Variants in ESYT1 observed in about 807,000 individuals in gnomAD.
ESYT1 encodes the protein extended synaptotagmin 1, also known as extended synaptotagmin-1.
A neutral mutation model predicts 154.2 loss-of-function variants in ESYT1; 116 were observed. The observed-to-expected ratio is 0.75, with a 90% CI of 0.65 to 0.88. The LOEUF (loss-of-function observed/expected upper bound fraction) is 0.88, where lower values mean the gene tolerates loss of function less well. Ranked by LOEUF, ESYT1 falls within the 40% of genes least tolerant of loss-of-function variation. ESYT1 has a pLI of 0.00. For missense variants in ESYT1, 1,264 were observed against 1,379.3 expected (o/e 0.92, Z 1.32); for synonymous variants, 500 against 539.9 (o/e 0.93, Z 1.02).
In ESYT1 at chr12:56,144,105, G is replaced by A. The variant is rs1311188651; in HGVS notation, c.*243G>A. The A allele has an allele frequency of 7.1e-7, 1 of 1,414,970 alleles. No homozygotes were observed. The highest frequency in any genetic ancestry group is 9.2e-7 in the Non-Finnish European group (1 of 1,087,414). The allele number at this position is 1,414,970 out of a possible 1,614,324, so 87.7% of individuals were successfully genotyped here. On this transcript the variant is annotated 3_prime_UTR_variant, in exon 31 of 31. Transcript: ENST00000394048. The stretch of plus-strand genomic sequence containing the variant: ...CGGGGACCTGAGCTGGCTGTTTCCT[G>A]CTTTGCCTGCACATTGTTCTCCCTT...
At position 56,132,583 on chromosome 12, in the gene ESYT1, G is replaced by T. The variant is rs945496473; in HGVS notation, c.1147G>T (p.Gly383Ter). ...VIDEELNPQW[G>*]ETYEVMVHEV... ...TGATGAAGAACTCAACCCACAGTGGGGAGAGACTTATGAGGTGGGAGAGTT... is the reference window on the plus strand; with the variant it reads ...TGATGAAGAACTCAACCCACAGTGGTGAGAGACTTATGAGGTGGGAGAGTT... Residue 383 changes from glycine (G) to a stop codon, truncating the protein, a stop_gained, in exon 9 of 31, where the codon GGA (glycine) becomes TGA (stop). Transcript: ENST00000394048. LOFTEE classifies it high-confidence loss of function. 6.2e-7 allele frequency: 1 copy of T among 1,614,188 alleles called. No homozygotes were observed. The highest frequency in any genetic ancestry group is 8.5e-7 in the Non-Finnish European group (1 of 1,180,036).
At chr12:56,137,110 C>A in intron 16 of ESYT1, 108 bp from the exon 17 acceptor site, 2 of 1,429,958 alleles carry the variant, frequency 1.4e-6, no homozygotes, top group Non-Finnish European at 1.9e-6. Context: ...CCAGCCAGGG[C>A]AGCACCTAGT....
In ESYT1 at chr12:56,136,797, C is replaced by A. The variant is rs1436628424; in HGVS notation, c.1686C>A (p.Ala562=). Residue 562 remains alanine, a synonymous_variant, in exon 16 of 31, where the codon GCC becomes GCA. Transcript: ENST00000394048. ...LTLGALTLPL[A]RLLTAPELIL... is the part of the protein sequence containing the mutation. ...TAGGAGCACTGACGCTGCCTCTGGC[C>A]CGCCTGCTGACTGCCCCAGAACTCA... is the stretch of plus-strand genomic sequence containing the variant. The A allele has an allele frequency of 1.9e-6, 3 of 1,608,118 alleles. No homozygotes were observed. In the African/African-American group the frequency reaches 4.0e-5, roughly 22 times the overall value.
chr12:56,138,166 C>T lies in ESYT1; in HGVS notation c.2248-17C>T. 1 of 1,614,112 alleles carries T rather than the reference C, an allele frequency of 6.2e-7. No homozygotes were observed. The highest frequency in any genetic ancestry group is 8.5e-7 in the Non-Finnish European group (1 of 1,179,948). ...TGTCTGCATATCCCCAAGTCTTCAC[C>T]CTGCCTACTTCCACAGTGGCTGACC... On this transcript the variant is annotated splice_polypyrimidine_tract_variant and intron_variant, in intron 20 of 30. Coordinates refer to ENST00000394048, the MANE Select transcript of ESYT1 (RefSeq NM_015292.3).
chr12:56,143,375 C>G, intron 29 of ESYT1, 42 bp downstream of exon 29: 4 of 1,593,614 alleles, frequency 2.5e-6, no homozygotes, highest in Non-Finnish European at 3.4e-6. Flanking sequence ...GGGCTGGAAG[C>G]TGCTGGCACC....
Position 56,138,994 on chromosome 12 carries a change from C to A in ESYT1, c.2573C>A (p.Thr858Asn), listed in dbSNP as rs750542013. The change falls in exon 24 of 31, where the codon ACT becomes AAT. Residue 858 changes from threonine to asparagine, a missense_variant. Physicochemically the swap from Thr to Asn is moderately conservative, Grantham distance 65. Transcript: ENST00000394048. ...TCCTTTCTCATCAGGAAACCACACA[C>A]TGAGAGCCTAGAGTTGCAGGTACTG... ...SASFLIRKPH[T>N]ESLELQVRGE... 2.6e-5 allele frequency: 42 copies of A among 1,613,796 alleles called. No homozygotes were observed. The highest frequency in any genetic ancestry group is 3.6e-5 in the Non-Finnish European group (42 of 1,179,816).
rs756912767 is a variant in ESYT1 at position 56,131,313 on chromosome 12, G to A, written c.711G>A (p.Met237Ile). The change falls in exon 5 of 31, where the codon ATG (methionine) becomes ATA (isoleucine). Residue 237 changes from methionine to isoleucine, a missense_variant. Transcript: ENST00000394048. ...TTTGCAAAGCAGGAGTCAAGGGCAT[G>A]CAGGTAGGCCAGATGTCAGGGGCCA... ...KYFCKAGVKG[M>I]QLHGVLRVIL... 6 of 1,614,222 alleles carry A rather than the reference G, an allele frequency of 3.7e-6. No individual in the cohort carries two copies. The highest frequency in any genetic ancestry group is 5.1e-6 in the Non-Finnish European group (6 of 1,180,044).
At chr12:56,131,429 A>T (rs1292732170) in intron 5 of ESYT1, 48 bp from the exon 6 acceptor site, 2 of 1,612,086 alleles carry the variant, frequency 1.2e-6, no homozygotes, top group Non-Finnish European at 1.7e-6. Context: ...GGAGGACAGA[A>T]GAGGGACTTT....
rs997044704 is a variant in ESYT1, at chr12:56,137,513, C to T, written c.1953C>T (p.Ile651=). 2 of 1,613,004 alleles carry T rather than the reference C, an allele frequency of 1.2e-6. No individual in the cohort carries two copies. The highest frequency in any genetic ancestry group is 1.3e-5 in the African/African-American group (1 of 74,880). The part of the protein sequence containing the change: ...SQFGTEHVLR[I]HVLEAQDLIA... ...CCCTTTTGCAGCATGTGCTTCGGAT[C>T]CATGTATTAGAGGCCCAGGACCTGA... Residue 651 remains isoleucine (I), a synonymous_variant, in exon 18 of 31, where the codon ATC becomes ATT. Coordinates refer to ENST00000394048, the MANE Select transcript of ESYT1 (RefSeq NM_015292.3).
Position 56,133,618 on chromosome 12 carries a change from G to A in ESYT1, c.1324G>A (p.Val442Ile). ...WFPLQGGQGQ[V>I]HLRLEWLSLL... Reference sequence around the variant, plus strand: ...CCCTCTACAAGGTGGGCAAGGCCAAGTTCACTTGAGGCTAGAATGGCTGTC... The same window carrying A: ...CCCTCTACAAGGTGGGCAAGGCCAAATTCACTTGAGGCTAGAATGGCTGTC... The change falls in exon 12 of 31, where the codon GTT becomes ATT. Residue 442 changes from valine (V) to isoleucine (I), a missense_variant. Val to Ile is a conservative substitution (Grantham distance 29). Transcript: ENST00000394048. The A allele has an allele frequency of 1.2e-6, 2 of 1,614,264 alleles. No homozygotes were observed. The highest frequency in any genetic ancestry group is 1.7e-6 in the Non-Finnish European group (2 of 1,180,044).
At chr12:56,140,482 G>A (rs1444820856) in intron 24 of ESYT1, among the ~76,000 whole-genome samples, 1 of 152,080 alleles carries the variant, frequency 6.6e-6, no homozygotes, top group East Asian at 1.9e-4. Flanking sequence ...TCCTGCCTCA[G>A]CCTCCCGAGT....
chr12:56,136,734 G>C lies in ESYT1; in HGVS notation c.1633-10G>C, dbSNP rs372700991. 3.5e-5 allele frequency: 55 copies of C among 1,592,282 alleles called. 1 individual carries two copies. The highest frequency in any genetic ancestry group is 4.4e-5 in the Non-Finnish European group (52 of 1,168,600). On this transcript the variant is annotated splice_polypyrimidine_tract_variant and intron_variant, in intron 15 of 30. Transcript: ENST00000394048. ...TCCCTTCACTACAGTCCTTCCTCCT[G>C]TGCCTGTAGGTGAAGGATGATTCCA...
At position 56,137,255 on chromosome 12, in the gene ESYT1, C is replaced by T. The variant is rs762007691; in HGVS notation, c.1820C>T (p.Thr607Met). Residue 607 changes from threonine to methionine, a missense_variant, in exon 17 of 31, where the codon ACG (threonine) becomes ATG (methionine). Transcript: ENST00000394048. Reference sequence around the variant, plus strand: ...GATTCATCAGAAATATGCTTCCCCACGGTGCCTGGTTGTCCTGGTGCTTGG... The same window carrying T: ...GATTCATCAGAAATATGCTTCCCCATGGTGCCTGGTTGTCCTGGTGCTTGG... ...YLDSSEICFP[T>M]VPGCPGAWDV... The T allele has an allele frequency of 2.0e-5, 33 of 1,614,082 alleles. No individual in the cohort carries two copies. Among genetic ancestry groups the T allele is most frequent in the Non-Finnish European group, 2.5e-5 (29 of 1,180,036 alleles).
chr12:56,130,871 A>C lies in ESYT1; in HGVS notation c.513A>C (p.Gly171=), dbSNP rs149091796. The C allele has an allele frequency of 2.5e-6, 4 of 1,614,132 alleles. No individual in the cohort carries two copies. The African/African-American group carries it at 4.0e-5, about 16-fold the overall frequency. The change falls in exon 3 of 31, where the codon GGA becomes GGC. Residue 171 remains glycine, a synonymous_variant. Coordinates refer to ENST00000394048, the MANE Select transcript of ESYT1 (RefSeq NM_015292.3). ...AAACTGTGGCTCCGGCTGTTAGGGG[A>C]TCTAACCCCCATCTGCAAACATTTA... is the stretch of plus-strand genomic sequence containing the variant. ...LAETVAPAVR[G]SNPHLQTFTF...
chr12:56,136,595 A>C, intron 15 of ESYT1, 149 bp from the exon 16 acceptor site: 1 of 604,102 alleles, frequency 1.7e-6, no homozygotes, highest in South Asian at 5.7e-5. Context: ...TGTCTCAAAA[A>C]AAAAAAAAAA....
At position 56,143,147 on chromosome 12, in the gene ESYT1, C is replaced by T. The variant is rs113072447; in HGVS notation, c.3118C>T (p.Arg1040Trp). The T allele has an allele frequency of 3.7e-6, 6 of 1,614,114 alleles. No homozygotes were observed. Among genetic ancestry groups the T allele is most frequent in the African/African-American group, 2.7e-5 (2 of 75,004 alleles). ...KRTLSPEFNE[R>W]FEWELPLDEA... ...GACCCTGAGTCCTGAATTTAATGAA[C>T]GGTCAGTCAGTGGGCATTCAGGTGG... is the stretch of plus-strand genomic sequence containing the variant. Residue 1040 changes from arginine to tryptophan, a missense_variant and splice_region_variant, in exon 28 of 31, where the codon CGG becomes TGG. Coordinates refer to ENST00000394048, the MANE Select transcript of ESYT1 (RefSeq NM_015292.3).
In ESYT1 at chr12:56,143,939, C is replaced by T. The variant is rs1870820147; in HGVS notation, c.*77C>T. 1 of 1,608,994 alleles carries T rather than the reference C, an allele frequency of 6.2e-7. No homozygotes were observed. Among genetic ancestry groups the T allele is most frequent in the Non-Finnish European group, 8.5e-7 (1 of 1,179,368 alleles). On this transcript the variant is annotated 3_prime_UTR_variant, in exon 31 of 31. Coordinates refer to ENST00000394048, the MANE Select transcript of ESYT1 (RefSeq NM_015292.3). ...CCATCACCGCCTCAATGTGATGAGC[C>T]TAAAGCTAGGGTCCAAGGGCAGAGC...
chr12:56,133,028 A>G (rs1870304527), intron 10 of ESYT1, among the ~76,000 whole-genome samples: 1 of 152,024 alleles, frequency 6.6e-6, no homozygotes, highest in Non-Finnish European at 1.5e-5. Flanking sequence ...CTGAGGCAGG[A>G]GAATGGTGGG....
rs752634110 is a variant in ESYT1 at position 56,133,657 on chromosome 12, G to T, written c.1363G>T (p.Ala455Ser). Reference sequence around the variant, plus strand: ...AGAATGGCTGTCACTTTTGTCAGATGCAGAGAAACTGGAGCAGGTAAGCCA... The same window carrying T: ...AGAATGGCTGTCACTTTTGTCAGATTCAGAGAAACTGGAGCAGGTAAGCCA... ...RLEWLSLLSDAEKLEQVLQWN... is the reference protein window; with the variant it reads ...RLEWLSLLSDSEKLEQVLQWN... The change falls in exon 12 of 31, where the codon GCA (alanine) becomes TCA (serine). Residue 455 changes from alanine to serine, a missense_variant. By Grantham distance (99) the Ala-to-Ser change is moderately conservative. Transcript: ENST00000394048. 5.0e-6 allele frequency: 8 copies of T among 1,614,120 alleles called. No individual in the cohort carries two copies. The East Asian group carries it at 1.8e-4, about 36-fold the overall frequency.
Sources: gnomAD v4.1 joint callset for allele counts (sites outside exome capture counted in the v4.1 genomes callset) on GRCh38, gnomAD v4.1.1 for gene constraint, MANE v1.5 for transcripts, NCBI Gene and HGNC (gene_info 2026-07-23, HGNC 2026-07-21) for gene names.